Variants in MICU2 observed in about 807,000 individuals in gnomAD.
MICU2 encodes the protein mitochondrial calcium uptake 2, also known as calcium uptake protein 2, mitochondrial.
In MICU2, 64 loss-of-function variants were observed where a neutral mutation model predicts 60.4. That is an observed-to-expected ratio of 1.06 (90% confidence interval 0.87 to 1.31). MICU2 has a LOEUF of 1.31. MICU2 is among the 50% of genes most tolerant of loss of function. MICU2 has a pLI of 0.00. For missense variants in MICU2, 569 were observed against 531.0 expected (o/e 1.07, Z -0.70); for synonymous variants, 201 against 175.0 (o/e 1.15, Z -1.17).
chr13:21,537,617 C>A (rs547625235), intron 4 of MICU2, among the ~76,000 whole-genome samples: 21 of 151,980 alleles, frequency 1.4e-4, no homozygotes, highest in African/African-American at 5.1e-4. Context: ...TTACAGGCAC[C>A]CGCCACCATG....
intron 5 of MICU2, among the ~76,000 whole-genome samples, chr13:21,522,269 T>C (rs1432321649): frequency 6.6e-6 from 1 of 152,252 alleles, no homozygotes; most frequent in Non-Finnish European, 1.5e-5. Flanking sequence ...CTCAGTCTTT[T>C]CTTGTTTTCC....
intron 1 of MICU2, among the ~76,000 whole-genome samples, chr13:21,572,491 A>T (rs955770088): frequency 6.6e-6 from 1 of 152,158 alleles, no homozygotes; most frequent in Non-Finnish European, 1.5e-5. Context: ...TTCTCTTTGT[A>T]CTTCCCCTGG....
At chr13:21,592,662 C>T (rs986785375) in intron 1 of MICU2, among the ~76,000 whole-genome samples, 10 of 152,206 alleles carry the variant, frequency 6.6e-5, no homozygotes, top group Non-Finnish European at 1.3e-4. Flanking sequence ...AAAAGTTTAT[C>T]CACCACGATC....
At chr13:21,585,842 C>T (rs1027338646) in intron 1 of MICU2, among the ~76,000 whole-genome samples, 2 of 151,854 alleles carry the variant, frequency 1.3e-5, no homozygotes, top group Non-Finnish European at 2.9e-5. Context: ...AGATTGTACT[C>T]ACAAAATAAA....
intron 6 of MICU2, among the ~76,000 whole-genome samples, chr13:21,520,866 T>C (rs1886701060): frequency 6.6e-6 from 1 of 152,120 alleles, no homozygotes; most frequent in African/African-American, 2.4e-5. Context: ...TATGAAGGCT[T>C]AAGTTTTTAT....
At chr13:21,590,882 A>C (rs1888565955) in intron 1 of MICU2, among the ~76,000 whole-genome samples, 1 of 152,132 alleles carries the variant, frequency 6.6e-6, no homozygotes, top group South Asian at 2.1e-4. Flanking sequence ...AAACAAAAAG[A>C]AGCACTAAAT....
At chr13:21,586,839 G>C (rs1485660579) in intron 1 of MICU2, among the ~76,000 whole-genome samples, 1 of 152,070 alleles carries the variant, frequency 6.6e-6, no homozygotes, top group African/African-American at 2.4e-5. Flanking sequence ...TAGTATCAAG[G>C]TCAGCATAAA....
chr13:21,563,910 A>AGTGAAG (rs1329331983), intron 2 of MICU2, among the ~76,000 whole-genome samples: 2 of 151,860 alleles, frequency 1.3e-5, no homozygotes, highest in Admixed American at 1.3e-4. Context: ...CCTGGGCTCA[A>AGTGAAG]GTGATCCTCA....
At chr13:21,532,141 A>G (rs1313007691) in intron 4 of MICU2, among the ~76,000 whole-genome samples, 1 of 152,242 alleles carries the variant, frequency 6.6e-6, no homozygotes, top group Non-Finnish European at 1.5e-5. Flanking sequence ...CTCAATTTCA[A>G]GAAGAAACTA....
rs545474878 is a variant in MICU2, at chr13:21,586,497, TC to T, written c.210+17441del. On this transcript the variant is annotated intron_variant, in intron 1 of 11. Transcript: ENST00000382374. ...ATCATGGTTCATTGCAGCCTCAGCC[TC>T]CCAGGCTCAAGAGATCCTTCCACGT... is the stretch of plus-strand genomic sequence containing the variant. Among the ~76,000 whole-genome samples, 611 of 152,280 alleles carry T rather than the reference TC, an allele frequency of 4.0e-3. 3 individuals are homozygous for T. Among genetic ancestry groups the T allele is most frequent in the Middle Eastern group, 0.01 (3 of 294 alleles).
Position 21,572,439 on chromosome 13 carries a change from T to C in MICU2, c.211-5495A>G, listed in dbSNP as rs187211606. ...CGTTAGTGCCAAGTGAATCTACATT[T>C]TACAGAAGATAAGGTGAGTGGAGAG... On this transcript the variant is annotated intron_variant, in intron 1 of 11. Coordinates refer to ENST00000382374, the MANE Select transcript of MICU2 (RefSeq NM_152726.3). Among the ~76,000 whole-genome samples, 170 of 152,342 alleles carry C rather than the reference T, an allele frequency of 1.1e-3. 1 individual carries two copies. The Middle Eastern group carries it at 0.014, about 12-fold the overall frequency.
chr13:21,519,841 T>C (rs1886673389), intron 6 of MICU2, among the ~76,000 whole-genome samples: 1 of 152,230 alleles, frequency 6.6e-6, no homozygotes, highest in Admixed American at 6.5e-5. Context: ...AAGATGGATT[T>C]GGAATCAATT....
At chr13:21,500,576 G>A (rs1433036336) in intron 9 of MICU2, among the ~76,000 whole-genome samples, 1 of 151,628 alleles carries the variant, frequency 6.6e-6, no homozygotes, top group Non-Finnish European at 1.5e-5. Flanking sequence ...CACCATGCCC[G>A]GCTACTTTTT....
chr13:21,508,026 A>C (rs1409784924), intron 8 of MICU2, among the ~76,000 whole-genome samples: 1 of 151,492 alleles, frequency 6.6e-6, no homozygotes, highest in East Asian at 1.9e-4. Context: ...CGTTCCTTAA[A>C]TCTAATCAAT....
chr13:21,549,699 G>A (rs1034539249), intron 2 of MICU2, among the ~76,000 whole-genome samples: 2 of 152,160 alleles, frequency 1.3e-5, no homozygotes, highest in Non-Finnish European at 2.9e-5. Flanking sequence ...CCAGCATAGG[G>A]CAAAATTCCT....
chr13:21,581,608 T>A (rs546180009), intron 1 of MICU2, among the ~76,000 whole-genome samples: 111 of 152,246 alleles, frequency 7.3e-4, no homozygotes, highest in Middle Eastern at 3.4e-3. Context: ...TAAAATACAA[T>A]AATTAGTAAA....
intron 1 of MICU2, among the ~76,000 whole-genome samples, chr13:21,596,491 C>T (rs981129109): frequency 3.3e-5 from 5 of 151,790 alleles, no homozygotes; most frequent in Non-Finnish European, 7.4e-5. Context: ...TGGTGCGATC[C>T]TGGCTCACTG....
At chr13:21,583,641 A>T (rs1431741222) in intron 1 of MICU2, among the ~76,000 whole-genome samples, 1 of 152,188 alleles carries the variant, frequency 6.6e-6, no homozygotes, top group Non-Finnish European at 1.5e-5. Context: ...AGCTCCATGC[A>T]TGGGGCTCCC....
At chr13:21,494,541 T>C (rs2138124204) in intron 11 of MICU2, among the ~76,000 whole-genome samples, 1 of 152,348 alleles carries the variant, frequency 6.6e-6, no homozygotes, top group South Asian at 2.1e-4. Context: ...TGCTTTCTGG[T>C]AGATTAGTTT....
Sources: gnomAD v4.1 joint callset for allele counts (sites outside exome capture counted in the v4.1 genomes callset) on GRCh38, gnomAD v4.1.1 for gene constraint, MANE v1.5 for transcripts, NCBI Gene and HGNC (gene_info 2026-07-23, HGNC 2026-07-21) for gene names.